The following HMBOX1 variants were observed in gnomAD, a reference collection of about 807,000 sequenced individuals.
HMBOX1 encodes the protein homeobox containing 1.
Under a neutral mutation model 54.5 loss-of-function variants are expected in HMBOX1, and 14 were observed. That is an observed-to-expected ratio of 0.26 (90% CI 0.17 to 0.40). HMBOX1 has a LOEUF of 0.40. HMBOX1 is among the 10% of genes least tolerant of loss of function. The pLI, the probability that HMBOX1 is intolerant of heterozygous loss-of-function variation, is 1.00. For synonymous variants in HMBOX1, 160 were observed against 181.0 expected (o/e 0.88, Z 0.93); for missense variants, 332 against 514.4 (o/e 0.65, Z 3.43).
In HMBOX1 at chr8:28,898,238, A is replaced by AC. The variant is rs560694056; in HGVS notation, c.-58+7560_-58+7561insC. Among the ~76,000 whole-genome samples, 1,028 of 34,958 alleles carry AC rather than the reference A, an allele frequency of 0.029. 14 individuals are homozygous for AC. The East Asian group carries it at 0.3, about 10-fold the overall frequency. The allele number at this position is 34,958 out of a possible 152,430, so 22.9% of individuals were successfully genotyped here. A position where few individuals can be genotyped will look rare whatever the true frequency, so the allele number is the denominator to read the frequency against. On this transcript the variant is annotated intron_variant, in intron 1 of 9. Transcript: ENST00000287701. Reference sequence around the variant, plus strand: ...ATTTGTCAATACTGTGATAATTTCTATTAAAAAAAGACAAAGTTTAATTTG... The same window carrying AC: ...ATTTGTCAATACTGTGATAATTTCTACTTAAAAAAAGACAAAGTTTAATTTG...
intron 1 of HMBOX1, among the ~76,000 whole-genome samples, chr8:28,919,971 TTGTG>T (rs5890431): frequency 0.59 from 87,548 of 148,840 alleles, 25,936 homozygotes; most frequent in Admixed American, 0.68. Flanking sequence ...AAGTGAAGTT[TTGTG>T]TGTGTGTGTG....
chr8:28,897,274 G>C (rs1225201852), intron 1 of HMBOX1, among the ~76,000 whole-genome samples: 1 of 151,624 alleles, frequency 6.6e-6, no homozygotes, highest in Non-Finnish European at 1.5e-5. Flanking sequence ...TAAGCCACTG[G>C]TCGGCTAGTT....
At position 29,008,869 on chromosome 8, in the gene HMBOX1, C is replaced by T. The variant is rs148576258; in HGVS notation, c.587-203C>T. 1.9e-4 allele frequency among the ~76,000 whole-genome samples: 29 copies of T among 152,240 alleles called. No homozygotes were observed. In the Middle Eastern group the frequency reaches 0.01, roughly 54 times the overall value. ...GGTCTTAATTAATAAACTGCCTTGA[C>T]GTTGAAGAGATAATTTCTGAGTATA... On this transcript the variant is annotated intron_variant, in intron 4 of 9. Coordinates refer to ENST00000287701, the MANE Select transcript of HMBOX1 (RefSeq NM_001135726.3).
In HMBOX1 at chr8:29,049,398, A is replaced by G. The variant is rs1806102124; in HGVS notation, c.1125+350A>G. ...GAGGAGGATCTGATCCAAACAAGCA[A>G]GTTACACCATTCACGACACACACTC... On this transcript the variant is annotated intron_variant, in intron 9 of 9. Coordinates refer to ENST00000287701, the MANE Select transcript of HMBOX1 (RefSeq NM_001135726.3). 2.6e-6 allele frequency: 4 copies of G among 1,534,028 alleles called. No homozygotes were observed. In the Admixed American group the frequency reaches 7.9e-5, roughly 30 times the overall value.
chr8:28,911,601 C>T (rs1815451719), intron 1 of HMBOX1, among the ~76,000 whole-genome samples: 1 of 152,092 alleles, frequency 6.6e-6, no homozygotes, highest in Non-Finnish European at 1.5e-5. Context: ...AATGATCCAC[C>T]CACCTCGGCC....
chr8:29,027,539 C>T (rs935963109), intron 6 of HMBOX1, among the ~76,000 whole-genome samples: 4 of 152,110 alleles, frequency 2.6e-5, no homozygotes. Flanking sequence ...AAGAATAAGA[C>T]CTGGCTATTG....
intron 1 of HMBOX1, among the ~76,000 whole-genome samples, chr8:28,903,095 A>C (rs1295422989): frequency 2.0e-5 from 3 of 152,068 alleles, no homozygotes; most frequent in Admixed American, 6.5e-5. Flanking sequence ...GTGGACATTT[A>C]AGCTTTCTTT....
chr8:28,954,647 T>C (rs1824073692), intron 1 of HMBOX1, among the ~76,000 whole-genome samples: 1 of 152,194 alleles, frequency 6.6e-6, no homozygotes, highest in African/African-American at 2.4e-5. Flanking sequence ...AACTGGTGCC[T>C]CTTTGGGAGG....
chr8:29,047,316 C>T lies in HMBOX1; in HGVS notation c.935-42C>T, dbSNP rs760885355. ...CCTTAAAACTAGTTTATTCTTGGAT[C>T]CCAGATATAGATTATCTGAATTTTA... is the stretch of plus-strand genomic sequence containing the variant. On this transcript the variant is annotated intron_variant, in intron 7 of 9. Coordinates refer to ENST00000287701, the MANE Select transcript of HMBOX1 (RefSeq NM_001135726.3). The T allele has an allele frequency of 3.5e-6, 4 of 1,139,492 alleles. No homozygotes were observed. In the East Asian group the frequency reaches 7.1e-5, roughly 20 times the overall value. 70.6% of individuals were successfully genotyped at this position (1,139,492 alleles called of 1,614,324 possible).
chr8:29,042,624 T>TA (rs1563637395), intron 6 of HMBOX1: 2 of 455,666 alleles, frequency 4.4e-6, no homozygotes, highest in Non-Finnish European at 8.8e-6. Flanking sequence ...GGCCCTATTT[T>TA]ATGACTTTGT....
chr8:28,977,922 C>T (rs1828691075), intron 3 of HMBOX1, among the ~76,000 whole-genome samples: 1 of 146,484 alleles, frequency 6.8e-6, no homozygotes, highest in Non-Finnish European at 1.5e-5. Context: ...CCAGCCTGGG[C>T]GACTGAGCGA....
At chr8:29,004,881 C>G (rs975359554) in intron 4 of HMBOX1, among the ~76,000 whole-genome samples, 5 of 152,166 alleles carry the variant, frequency 3.3e-5, no homozygotes, top group Non-Finnish European at 7.4e-5. Flanking sequence ...ACCAAAGCAG[C>G]TCAAAGCATG....
At chr8:28,968,347 C>T (rs1015000783) in intron 2 of HMBOX1, among the ~76,000 whole-genome samples, 12 of 152,236 alleles carry the variant, frequency 7.9e-5, no homozygotes, top group Admixed American at 7.8e-4. Context: ...AGTAGAATAG[C>T]CTGTGTGCCA....
At chr8:28,983,591 G>A (rs1208022331) in intron 4 of HMBOX1, among the ~76,000 whole-genome samples, 3 of 152,120 alleles carry the variant, frequency 2.0e-5, no homozygotes, top group African/African-American at 7.2e-5. Flanking sequence ...ATGTTCTTCA[G>A]GAGTGACCTT....
intron 6 of HMBOX1, among the ~76,000 whole-genome samples, chr8:29,032,886 G>A (rs1803226711): frequency 6.6e-6 from 1 of 152,050 alleles, no homozygotes; most frequent in African/African-American, 2.4e-5. Flanking sequence ...TTCTAATTTT[G>A]TTAAAATCGT....
At chr8:29,035,969 A>G (rs1803792225) in intron 6 of HMBOX1, among the ~76,000 whole-genome samples, 1 of 152,230 alleles carries the variant, frequency 6.6e-6, no homozygotes, top group Non-Finnish European at 1.5e-5. Context: ...ATTGTTACAT[A>G]GTAATAAGAC....
chr8:29,037,738 A>T (rs984032391), intron 6 of HMBOX1, among the ~76,000 whole-genome samples: 4 of 152,214 alleles, frequency 2.6e-5, no homozygotes, highest in Non-Finnish European at 5.9e-5. Context: ...TTGGATATGT[A>T]AATTGTTTTG....
At chr8:29,021,859 CAAAAAAA>C (rs36163977) in intron 6 of HMBOX1, among the ~76,000 whole-genome samples, 8 of 103,052 alleles carry the variant, frequency 7.8e-5, no homozygotes, top group Non-Finnish European at 1.6e-4. Context: ...GACTCCGTCT[CAAAAAAA>C]AAAAAAAAAA....
intron 6 of HMBOX1, among the ~76,000 whole-genome samples, chr8:29,033,987 G>A (rs1044467895): frequency 2.0e-5 from 3 of 152,156 alleles, no homozygotes; most frequent in African/African-American, 4.8e-5. Context: ...CTTCTACTTT[G>A]TACCAATCAT....
Sources: allele counts gnomAD v4.1 joint callset (sites outside exome capture counted in the v4.1 genomes callset), GRCh38; gene constraint gnomAD v4.1.1; transcripts MANE v1.5; gene names NCBI Gene and HGNC (gene_info 2026-07-23, HGNC 2026-07-21).